ZNF469: variants seen among roughly 807,000 people sequenced by gnomAD.
The protein encoded by ZNF469 is zinc finger protein 469.
Under a neutral mutation model 1.0 loss-of-function variants are expected in ZNF469, and 1 was observed. That is an observed-to-expected ratio of 1.00 (90% CI 0.35 to 4.73). The LOEUF (loss-of-function observed/expected upper bound fraction) is 4.73, where lower values mean the gene tolerates loss of function less well. Ranked by LOEUF, ZNF469 falls within the 30% of genes most tolerant of loss-of-function variation. The pLI, the probability that ZNF469 is intolerant of heterozygous loss-of-function variation, is 0.16. For synonymous variants in ZNF469, 2,703 were observed against 2,363.4 expected (o/e 1.14, Z -4.17); for missense variants, 6,100 against 5,356.3 (o/e 1.14, Z -4.33).
the ZNF469 span, among the ~76,000 whole-genome samples, chr16:88,327,553 T>TGG: frequency 2.0e-5 from 3 of 147,568 alleles, no homozygotes; most frequent in South Asian, 2.2e-4. Context: ...ACGTTGGGGT[T>TGG]GGGGGGGGGT....
At chr16:88,414,242 G>A (rs577349413) in intron 1 of ZNF469, among the ~76,000 whole-genome samples, 10 of 152,322 alleles carry the variant, frequency 6.6e-5, no homozygotes, top group African/African-American at 2.2e-4. Flanking sequence ...CAGGCCACGG[G>A]CCTCCAGGTC....
chr16:88,134,677 C>T, the ZNF469 span, among the ~76,000 whole-genome samples: 2 of 152,238 alleles, frequency 1.3e-5, no homozygotes, highest in South Asian at 2.1e-4. Flanking sequence ...GTGTGCCCGC[C>T]TCCTCACCCT....
At chr16:88,223,428 A>G in the ZNF469 span, among the ~76,000 whole-genome samples, 1 of 152,148 alleles carries the variant, frequency 6.6e-6, no homozygotes, top group Non-Finnish European at 1.5e-5. Context: ...AGTCTTGGGT[A>G]TGTCTTAATC....
At chr16:88,130,305 G>T in the ZNF469 span, among the ~76,000 whole-genome samples, 1 of 152,106 alleles carries the variant, frequency 6.6e-6, no homozygotes, top group African/African-American at 2.4e-5. Flanking sequence ...GCACGCCGCA[G>T]ACAGCCGGTA....
In ZNF469 at chr16:88,396,891, G is replaced by A. The variant is rs78000029; in HGVS notation, c.-192+13637G>A. On this transcript the variant is annotated intron_variant, in intron 1 of 2. Transcript: ENST00000565624. ...GAGGACACCCTCCTGAAGGGAGGCC[G>A]GGTGGAGACCCTCATGAAGGGAGGC... Among the ~76,000 whole-genome samples, 464 of 141,118 alleles carry A rather than the reference G, an allele frequency of 3.3e-3. 3 individuals carry two copies. The highest frequency in any genetic ancestry group is 0.012 in the African/African-American group (450 of 37,328). The allele number at this position is 141,118 out of a possible 152,430, so 92.6% of individuals were successfully genotyped here.
At chr16:88,290,245 A>G in the ZNF469 span, among the ~76,000 whole-genome samples, 1 of 152,222 alleles carries the variant, frequency 6.6e-6, no homozygotes, top group African/African-American at 2.4e-5. Context: ...CAGCTGATGG[A>G]CTTTCAGATG....
chr16:88,421,601 G>A (rs1905460292), intron 1 of ZNF469, among the ~76,000 whole-genome samples: 1 of 152,248 alleles, frequency 6.6e-6, no homozygotes, highest in Non-Finnish European at 1.5e-5. Context: ...CTGTCCTGGG[G>A]CAGAGGAAAG....
chr16:88,398,481 T>G (rs1904758406), intron 1 of ZNF469, among the ~76,000 whole-genome samples: 1 of 146,028 alleles, frequency 6.8e-6, no homozygotes, highest in Non-Finnish European at 1.5e-5. Context: ...GAGCCACGGA[T>G]GAAGGGGGGC....
At chr16:88,211,611 A>G in the ZNF469 span, among the ~76,000 whole-genome samples, 1 of 151,952 alleles carries the variant, frequency 6.6e-6, no homozygotes, top group Non-Finnish European at 1.5e-5. Flanking sequence ...TTAATGGGCA[A>G]TTCACTTAGC....
At chr16:88,146,814 G>A in the ZNF469 span, among the ~76,000 whole-genome samples, 2 of 152,060 alleles carry the variant, frequency 1.3e-5, no homozygotes, top group African/African-American at 4.8e-5. Flanking sequence ...GGGGCTTCCA[G>A]GATGGAAGGG....
At chr16:88,116,453 A>G in the ZNF469 span, among the ~76,000 whole-genome samples, 5 of 152,148 alleles carry the variant, frequency 3.3e-5, no homozygotes, top group African/African-American at 1.2e-4. Context: ...TGACAGTTTC[A>G]CCCAAAAGTA....
chr16:88,417,310 C>T (rs1403624715), intron 1 of ZNF469, among the ~76,000 whole-genome samples: 1 of 152,224 alleles, frequency 6.6e-6, no homozygotes, highest in Non-Finnish European at 1.5e-5. Flanking sequence ...TCACCCTCAA[C>T]GATCCTCATT....
the ZNF469 span, among the ~76,000 whole-genome samples, chr16:88,132,584 G>A: frequency 0.011 from 1,673 of 152,070 alleles, 1 homozygote; most frequent in South Asian, 0.033. Flanking sequence ...CTCTGCTACC[G>A]TCAGGAAAAC....
chr16:88,277,463 G>A, the ZNF469 span, among the ~76,000 whole-genome samples: 1 of 137,294 alleles, frequency 7.3e-6, no homozygotes. Context: ...TCAGTACCAT[G>A]TAGATATCAT....
At chr16:88,103,424 C>T in the ZNF469 span, among the ~76,000 whole-genome samples, 1 of 152,232 alleles carries the variant, frequency 6.6e-6, no homozygotes, top group Non-Finnish European at 1.5e-5. Context: ...AGACCCAGCT[C>T]AGAAACTCAG....
At chr16:88,345,013 G>A in the ZNF469 span, among the ~76,000 whole-genome samples, 10 of 152,214 alleles carry the variant, frequency 6.6e-5, no homozygotes, top group African/African-American at 2.4e-4. Flanking sequence ...GGCTGGTCAG[G>A]CCCAGAGCCC....
the ZNF469 span, among the ~76,000 whole-genome samples, chr16:88,359,404 G>T: frequency 1.3e-5 from 2 of 151,766 alleles, no homozygotes; most frequent in Non-Finnish European, 2.9e-5. Flanking sequence ...AGTGTCCCGC[G>T]GGCTCGGTAT....
chr16:88,126,726 T>C, the ZNF469 span, among the ~76,000 whole-genome samples: 3 of 152,044 alleles, frequency 2.0e-5, no homozygotes, highest in African/African-American at 7.3e-5. Flanking sequence ...CGATCTCGGC[T>C]CACTGCAACG....
chr16:88,110,549 C>G, the ZNF469 span, among the ~76,000 whole-genome samples: 12 of 152,272 alleles, frequency 7.9e-5, no homozygotes, highest in African/African-American at 2.7e-4. Context: ...AGCAGCTTCC[C>G]CAGCCCTGGT....
Sources: allele counts gnomAD v4.1 joint callset (sites outside exome capture counted in the v4.1 genomes callset), GRCh38; gene constraint gnomAD v4.1.1; transcripts MANE v1.5; gene names NCBI Gene and HGNC (gene_info 2026-07-23, HGNC 2026-07-21).